LOC114841035: variants seen among roughly 807,000 people sequenced by gnomAD.
the LOC114841035 span, chr11:64,242,183 T>G: frequency 2.1e-6 from 1 of 484,318 alleles, no homozygotes; most frequent in Non-Finnish European, 3.6e-6. Flanking sequence ...GCTGCTGGGG[T>G]CCTCGGCCAA....
the LOC114841035 span, chr11:64,242,690 C>T: frequency 1.5e-5 from 15 of 1,009,098 alleles, no homozygotes; most frequent in Admixed American, 3.5e-5. Context: ...AGCCAGTTTC[C>T]ATGGTTCTGC....
At chr11:64,243,159 T>C in the LOC114841035 span, 3 of 1,570,598 alleles carry the variant, frequency 1.9e-6, no homozygotes, top group Admixed American at 5.0e-5. Context: ...GTGTCAGGGG[T>C]GGTCCCCTCT....
chr11:64,244,058 C>A, the LOC114841035 span: 2 of 1,610,788 alleles, frequency 1.2e-6, no homozygotes, highest in Non-Finnish European at 1.7e-6. Context: ...GGGGGAGAGG[C>A]CCCCATCAGG....
the LOC114841035 span, chr11:64,243,647 A>T: frequency 1.7e-6 from 2 of 1,195,792 alleles, no homozygotes; most frequent in African/African-American, 1.5e-5. Context: ...CAGTGAGTAC[A>T]GGGCAAGATC....
At chr11:64,243,565 T>G in the LOC114841035 span, 1 of 1,566,922 alleles carries the variant, frequency 6.4e-7, no homozygotes, top group Non-Finnish European at 8.8e-7. Flanking sequence ...GAAAGCTGCT[T>G]CAGCTTTTCA....
At chr11:64,242,421 C>T in the LOC114841035 span, 1 of 1,556,018 alleles carries the variant, frequency 6.4e-7, no homozygotes, top group Non-Finnish European at 8.7e-7. Flanking sequence ...CCTGACAGTA[C>T]TGTCCATCTG....
chr11:64,243,276 C>A, the LOC114841035 span: 5,987 of 1,610,698 alleles, frequency 3.7e-3, 20 homozygotes, highest in Middle Eastern at 8.3e-3. Context: ...TTGGCACAGG[C>A]CAGGTCATCA....
the LOC114841035 span, chr11:64,243,471 G>A: frequency 3.1e-6 from 5 of 1,613,856 alleles, no homozygotes; most frequent in Admixed American, 3.3e-5. Flanking sequence ...GGGGAAAAGC[G>A]CAAGCTGGTG....
At chr11:64,242,634 C>A in the LOC114841035 span, 18 of 1,451,962 alleles carry the variant, frequency 1.2e-5, no homozygotes, top group Non-Finnish European at 1.6e-5. Context: ...GTCTGGTTCT[C>A]CATAAGCCAG....
At chr11:64,241,975 CG>C in the LOC114841035 span, 3 of 160,768 alleles carry the variant, frequency 1.9e-5, no homozygotes, top group South Asian at 1.5e-4. Flanking sequence ...TGTGCTGGAC[CG>C]GGGGCAGCTG....
chr11:64,244,096 A>AAAACAAAAAC, the LOC114841035 span: 2 of 1,552,298 alleles, frequency 1.3e-6, no homozygotes, highest in South Asian at 2.3e-5. Context: ...AAAAAAACAA[A>AAAACAAAAAC]AAACAAAAAC....
the LOC114841035 span, chr11:64,243,416 G>A: frequency 3.1e-6 from 5 of 1,613,728 alleles, 1 homozygote; most frequent in South Asian, 2.2e-5. Context: ...AGGGCCCTGG[G>A]TGCTGCCATG....
At chr11:64,242,331 C>G in the LOC114841035 span, 1 of 1,447,722 alleles carries the variant, frequency 6.9e-7, no homozygotes, top group Non-Finnish European at 9.1e-7. Flanking sequence ...GTGTTCCATA[C>G]TCTCCCTGCC....
At chr11:64,242,113 T>TG in the LOC114841035 span, 1 of 397,312 alleles carries the variant, frequency 2.5e-6, no homozygotes. Flanking sequence ...AGGGAAGGTA[T>TG]GGGGGTGAGC....
At chr11:64,241,868 G>C in the LOC114841035 span, 17 of 153,198 alleles carry the variant, frequency 1.1e-4, no homozygotes, top group African/African-American at 4.1e-4. Context: ...GCCAGGCTGG[G>C]GGGTATCTCC....
At chr11:64,242,642 C>A in the LOC114841035 span, 2 of 1,420,742 alleles carry the variant, frequency 1.4e-6, no homozygotes, top group Non-Finnish European at 9.4e-7. Flanking sequence ...CTCCATAAGC[C>A]AGGTAGGTGA....
chr11:64,242,093 A>G, the LOC114841035 span: 2 of 334,136 alleles, frequency 6.0e-6, no homozygotes, highest in African/African-American at 2.2e-5. Context: ...GGAGGTGGGG[A>G]CTGGGAGGGA....
At chr11:64,243,987 C>G in the LOC114841035 span, 15 of 1,613,910 alleles carry the variant, frequency 9.3e-6, no homozygotes, top group Non-Finnish European at 1.2e-5. Flanking sequence ...CCCTGGTGTT[C>G]GAGGTGGAGC....
At chr11:64,242,663 G>A in the LOC114841035 span, 1 of 1,243,598 alleles carries the variant, frequency 8.0e-7, no homozygotes, top group Non-Finnish European at 1.1e-6. Context: ...CCTTGGGCAA[G>A]TCCCCTCTCG....
Sources: allele counts gnomAD v4.1 joint callset, GRCh38; gene constraint gnomAD v4.1.1; transcripts MANE v1.5.